SLC26A6: variants seen among roughly 807,000 people sequenced by gnomAD.
SLC26A6 encodes anion exchange transporter.
A neutral mutation model predicts 87.1 loss-of-function variants in SLC26A6; 67 were observed. The observed-to-expected ratio is 0.77, with a 90% confidence interval of 0.63 to 0.94. The LOEUF (loss-of-function observed/expected upper bound fraction) is 0.94. SLC26A6 is among the 40% of genes least tolerant of loss of function. The pLI is 0.00. For synonymous variants in SLC26A6, 414 were observed against 405.9 expected (o/e 1.02, Z -0.24); for missense variants, 902 against 973.0 (o/e 0.93, Z 0.97).
At position 48,632,019 on chromosome 3, in the gene SLC26A6, C is replaced by T; in HGVS notation, c.611G>A (p.Gly204Asp). 5 of 1,613,280 alleles carry T rather than the reference C, an allele frequency of 3.1e-6. No homozygotes were observed. The highest frequency in any genetic ancestry group is 4.2e-6 in the Non-Finnish European group (5 of 1,180,006). ...FQVGLGLIHF[G>D]FVVTYLSEPL... ...TTCTGACAGGTAGGTGACCACGAAGCCGAAGTGGATCAGGCCCAGCCCCAC... is the reference window on the plus strand; with the variant it reads ...TTCTGACAGGTAGGTGACCACGAAGTCGAAGTGGATCAGGCCCAGCCCCAC... The change falls in exon 6 of 21, where the codon GGC (glycine) becomes GAC (aspartate). Residue 204 changes from glycine (G) to aspartate (D), a missense_variant. This residue lies in a region of SLC26A6 where 800 missense variants were observed against 856.8 expected (regional missense o/e 0.93). Coordinates refer to ENST00000395550, the MANE Select transcript of SLC26A6 (RefSeq NM_022911.3).
intron 9 of SLC26A6, 85 bp downstream of exon 9, chr3:48,630,908 C>T (rs756464647): frequency 1.3e-6 from 2 of 1,578,420 alleles, no homozygotes; most frequent in Non-Finnish European, 1.7e-6. Flanking sequence ...CTGCTGTCTC[C>T]CTGTGTCCCA....
At chr3:48,626,498 C>T in intron 19 of SLC26A6, 133 bp downstream of exon 19, 1 of 1,536,184 alleles carries the variant, frequency 6.5e-7, no homozygotes, top group Non-Finnish European at 8.9e-7. Context: ...TAACCCTGGA[C>T]TCCTGTCTCC....
At chr3:48,630,936 C>T (rs201518712) in intron 9 of SLC26A6, 57 bp downstream of exon 9, 90 of 1,597,312 alleles carry the variant, frequency 5.6e-5, no homozygotes, top group African/African-American at 5.4e-4. Context: ...CTCCCCCACC[C>T]GTTGCTGGCG....
At position 48,626,224 on chromosome 3, in the gene SLC26A6, A is replaced by T. The variant is rs746324618; in HGVS notation, c.2259T>A (p.Pro753=). The change falls in exon 20 of 21, where the codon CCT becomes CCA. Residue 753 remains proline (P), a synonymous_variant. Coordinates refer to ENST00000395550, the MANE Select transcript of SLC26A6 (RefSeq NM_022911.3). ...AGGCCAGAGGTAGGCTCACCGAAAC[A>T]GGGCTGTCGGGGACAGGCCTCGGGT... The part of the protein sequence containing the change: ...LQHPRPVPDS[P]VSVTRL 6.2e-7 allele frequency: 1 copy of T among 1,614,104 alleles called. No homozygotes were observed. The highest frequency in any genetic ancestry group is 8.5e-7 in the Non-Finnish European group (1 of 1,180,008).
intron 17 of SLC26A6, 52 bp from the exon 18 acceptor site, chr3:48,627,107 A>C (rs764564927): frequency 3.8e-6 from 6 of 1,581,382 alleles, no homozygotes; most frequent in Non-Finnish European, 4.3e-6. Flanking sequence ...TGAAGGCAGG[A>C]CTGGCCGCAC....
rs938294634 is a variant in SLC26A6 at position 48,626,363 on chromosome 3, A to G, written c.2129-9T>C. 3.1e-6 allele frequency: 5 copies of G among 1,613,862 alleles called. No homozygotes were observed. In the African/African-American group the frequency reaches 6.7e-5, roughly 22 times the overall value. ...CTGGCTGACCACAGGGCCTGTGGGC[A>G]AGAAGTAGGCCTCCCCTGACTCTCA... is the stretch of plus-strand genomic sequence containing the variant. On this transcript the variant is annotated splice_polypyrimidine_tract_variant and intron_variant, in intron 19 of 20. Coordinates refer to ENST00000395550, the MANE Select transcript of SLC26A6 (RefSeq NM_022911.3).
Position 48,631,111 on chromosome 3 carries a change from T to G in SLC26A6, c.1016A>C (p.Gln339Pro). Reference sequence around the variant, plus strand: ...GCTGCCCACGAGCTTTGAGAACAGCTGGGTGTTGGGGGCCACTGGGGGCAC... The same window carrying G: ...GCTGCCCACGAGCTTTGAGAACAGCGGGGTGTTGGGGGCCACTGGGGGCAC... ...GLVPPVAPNT[Q>P]LFSKLVGSAF... is the part of the protein sequence containing the mutation. The change falls in exon 9 of 21, where the codon CAG becomes CCG. Residue 339 changes from glutamine (Q) to proline (P), a missense_variant. By Grantham distance (76) the Gln-to-Pro change is moderately conservative (BLOSUM62 -1). This residue lies in a region of SLC26A6 where 800 missense variants were observed against 856.8 expected (regional missense o/e 0.93). Coordinates refer to ENST00000395550, the MANE Select transcript of SLC26A6 (RefSeq NM_022911.3). 6.2e-7 allele frequency: 1 copy of G among 1,613,608 alleles called. No individual in the cohort carries two copies. The highest frequency in any genetic ancestry group is 8.5e-7 in the Non-Finnish European group (1 of 1,180,022).
At chr3:48,634,958 C>A (rs1027005488) in intron 1 of SLC26A6, among the ~76,000 whole-genome samples, 2 of 152,222 alleles carry the variant, frequency 1.3e-5, no homozygotes, top group Non-Finnish European at 2.9e-5. Flanking sequence ...AGGAAGGCAA[C>A]TGGGGCCAGA....
chr3:48,631,239 C>T lies in SLC26A6; in HGVS notation c.971G>A (p.Gly324Asp). The T allele has an allele frequency of 6.2e-7, 1 of 1,610,700 alleles. No homozygotes were observed. The highest frequency in any genetic ancestry group is 8.5e-7 in the Non-Finnish European group (1 of 1,178,002). ...LKHRFEVDVV[G>D]NIPAGLVPPV... ...CAGAGCTCACCCTGCAGGGATGTTG[C>T]CCACGACATCTACCTCAAATCTGTG... The change falls in exon 8 of 21, where the codon GGC becomes GAC. Residue 324 changes from glycine (G) to aspartate (D), a missense_variant. Physicochemically the swap from Gly to Asp is moderately conservative, Grantham distance 94 (BLOSUM62 -1). Coordinates refer to ENST00000395550, the MANE Select transcript of SLC26A6 (RefSeq NM_022911.3).
intron 11 of SLC26A6, 59 bp downstream of exon 11, chr3:48,630,379 G>A: frequency 6.6e-7 from 1 of 1,517,582 alleles, no homozygotes; most frequent in African/African-American, 1.4e-5. Context: ...AACCTAGACT[G>A]GCTGATTTGA....
At position 48,630,598 on chromosome 3, in the gene SLC26A6, A is replaced by C. The variant is rs775406784; in HGVS notation, c.1248+9T>G. 20 of 1,570,322 alleles carry C rather than the reference A, an allele frequency of 1.3e-5. 1 individual carries two copies. In the South Asian group the frequency reaches 2.3e-4, roughly 18 times the overall value. On this transcript the variant is annotated intron_variant, in intron 10 of 20. Coordinates refer to ENST00000395550, the MANE Select transcript of SLC26A6 (RefSeq NM_022911.3). The stretch of plus-strand genomic sequence containing the variant: ...CATGCCCACACCCATGCCCACACCC[A>C]AAGCCCACCTGCGAGTTGCCCCCGG...
At position 48,633,338 on chromosome 3, in the gene SLC26A6, C is replaced by T. The variant is rs202138107; in HGVS notation, c.235G>A (p.Val79Ile). 8.2e-5 allele frequency: 132 copies of T among 1,613,476 alleles called. No individual in the cohort carries two copies. Among genetic ancestry groups the T allele is most frequent in the Non-Finnish European group, 1.1e-4 (128 of 1,180,020 alleles). The change falls in exon 3 of 21, where the codon GTC becomes ATC. Residue 79 changes from valine (V) to isoleucine (I), a missense_variant. By Grantham distance (29) the Val-to-Ile change is conservative (BLOSUM62 3). Transcript: ENST00000395550. The stretch of plus-strand genomic sequence containing the variant: ...CGCACAGGATACCGGGGTAACCAGA[C>T]CAAAACCGGGAGGTGTTGGAGCAGA... ...ALLLQHLPVL[V>I]WLPRYPVRDW...
At chr3:48,632,952 G>A (rs761548907) in intron 4 of SLC26A6, 22 bp downstream of exon 4, 1 of 1,603,640 alleles carries the variant, frequency 6.2e-7, no homozygotes, top group South Asian at 1.1e-5. Flanking sequence ...CCTCCTGGAA[G>A]GCTAGGCCTG....
Position 48,630,501 on chromosome 3 carries a change from G to A in SLC26A6, c.1263C>T (p.Ile421=), listed in dbSNP as rs1332870713. The A allele has an allele frequency of 6.4e-7, 1 of 1,561,202 alleles. No individual in the cohort carries two copies. Among genetic ancestry groups the A allele is most frequent in the Admixed American group, 1.9e-5 (1 of 52,332 alleles). ...TGGNSQVAGA[I]SSLFILLIIV... is the part of the protein sequence containing the mutation. ...TGATGAGGAGGATGAAAAGGGAAGAGATGGCTCCAGCAACCTGTTCGGGGA... is the reference window on the plus strand; with the variant it reads ...TGATGAGGAGGATGAAAAGGGAAGAAATGGCTCCAGCAACCTGTTCGGGGA... Residue 421 remains isoleucine (I), a synonymous_variant, in exon 11 of 21, where the codon ATC becomes ATT. Transcript: ENST00000395550.
chr3:48,628,763 T>C lies in SLC26A6; in HGVS notation c.1600-49A>G. 2 of 1,585,162 alleles carry C rather than the reference T, an allele frequency of 1.3e-6. No homozygotes were observed. The highest frequency in any genetic ancestry group is 1.7e-6 in the Non-Finnish European group (2 of 1,164,030). ...GTGGCTGAATCTCCTCTCTCCTGGC[T>C]GCATCCTGTTCTCCTGCCTTTCCTT... On this transcript the variant is annotated intron_variant, in intron 14 of 20. Coordinates refer to ENST00000395550, the MANE Select transcript of SLC26A6 (RefSeq NM_022911.3). This position sits in a 1 kb window ranked among gnomAD's most constrained non-coding sequence, Gnocchi z 4.4.
chr3:48,635,290 C>G, intron 1 of SLC26A6, 81 bp downstream of exon 1: 2 of 1,223,746 alleles, frequency 1.6e-6, no homozygotes, highest in Non-Finnish European at 2.2e-6. Context: ...AATGCCTGCT[C>G]CAGCGAGGCG....
rs373752664 is a variant in SLC26A6 at position 48,627,903 on chromosome 3, T to G, written c.1893+43A>C. 1.4e-5 allele frequency: 22 copies of G among 1,548,690 alleles called. No homozygotes were observed. The African/African-American group carries it at 2.9e-4, about 21-fold the overall frequency. On this transcript the variant is annotated intron_variant, in intron 17 of 20. Coordinates refer to ENST00000395550, the MANE Select transcript of SLC26A6 (RefSeq NM_022911.3). Reference sequence around the variant, plus strand: ...ATGAGACATGTGGATCCTGCATCTCTGCAGCTCACAGCTGTCACCTCCTTT... The same window carrying G: ...ATGAGACATGTGGATCCTGCATCTCGGCAGCTCACAGCTGTCACCTCCTTT...
chr3:48,629,966 C>G lies in SLC26A6; in HGVS notation c.1435G>C (p.Val479Leu), dbSNP rs747817795. The change falls in exon 13 of 21, where the codon GTG becomes CTG. Residue 479 changes from valine (V) to leucine (L), a missense_variant. Val to Leu is a conservative substitution (Grantham distance 32, BLOSUM62 1). Around this residue, in one of 3 missense-constraint regions of SLC26A6, gnomAD observed 800 missense variants for 856.8 expected, o/e 0.93. Coordinates refer to ENST00000395550, the MANE Select transcript of SLC26A6 (RefSeq NM_022911.3). ...AGCAAGATGGTGGCCGTGAAGGTCA[C>G]CAGCCAGATAAGCTGAGAACAGAGG... Reference protein sequence around the residue: ...ANRADLLIWLVTFTATILLNL... With the variant: ...ANRADLLIWLLTFTATILLNL... The G allele has an allele frequency of 1.9e-6, 3 of 1,614,104 alleles. No homozygotes were observed. Among genetic ancestry groups the G allele is most frequent in the Non-Finnish European group, 2.5e-6 (3 of 1,180,026 alleles).
intron 1 of SLC26A6, chr3:48,634,281 G>T (rs894313771): frequency 2.6e-5 from 4 of 152,926 alleles, no homozygotes; most frequent in Non-Finnish European, 5.8e-5. Context: ...CCTAGAGGGA[G>T]AGGCTCCCAC....
Sources: allele counts gnomAD v4.1 joint callset (sites outside exome capture counted in the v4.1 genomes callset), GRCh38; gene constraint gnomAD v4.1.1; regional missense constraint gnomAD v4.1.1; non-coding constraint Gnocchi (gnomAD v3.1); transcripts MANE v1.5; gene names NCBI Gene and HGNC (gene_info 2026-07-23, HGNC 2026-07-21).